Variants in ERBB4 observed in about 807,000 individuals in gnomAD.
The protein encoded by ERBB4 is erb-b2 receptor tyrosine kinase 4, also known as receptor tyrosine-protein kinase erbB-4.
Under a neutral mutation model 158.0 loss-of-function variants are expected in ERBB4, and 42 were observed. The observed-to-expected ratio is 0.27, with a 90% CI of 0.21 to 0.34. The LOEUF is 0.34. ERBB4 is among the 10% of genes least tolerant of loss of function. The probability of loss-of-function intolerance (pLI) is 1.00; values close to 1 mark genes in which losing one functional copy is unlikely to be tolerated. For synonymous variants in ERBB4, 583 were observed against 558.7 expected, an observed-to-expected ratio of 1.04 and a Z score of -0.61; for missense variants, 1,333 against 1,624.1, an observed-to-expected ratio of 0.82 and a Z score of 3.08.
At chr2:211,971,038 C>T (rs184825960) in intron 2 of ERBB4, among the ~76,000 whole-genome samples, 113 of 152,270 alleles carry the variant, frequency 7.4e-4, no homozygotes, top group Non-Finnish European at 1.2e-3. Context: ...ATATTCAGTG[C>T]TTCCTTGAGG....
intron 3 of ERBB4, among the ~76,000 whole-genome samples, chr2:211,881,704 T>TA (rs2078668185): frequency 6.6e-6 from 1 of 152,156 alleles, no homozygotes; most frequent in Non-Finnish European, 1.5e-5. Context: ...AGCTCATCTA[T>TA]AAAACCTCTT....
chr2:212,145,073 T>C (rs900365980), intron 1 of ERBB4, among the ~76,000 whole-genome samples: 1 of 152,184 alleles, frequency 6.6e-6, no homozygotes, highest in Non-Finnish European at 1.5e-5. Flanking sequence ...TTTATAAGCT[T>C]ATGTCAAAAC....
At chr2:211,705,847 C>A (rs1442931199) in intron 9 of ERBB4, among the ~76,000 whole-genome samples, 1 of 152,106 alleles carries the variant, frequency 6.6e-6, no homozygotes, top group African/African-American at 2.4e-5. Flanking sequence ...GAAACAAACA[C>A]AAATAAAATT....
chr2:211,790,344 G>C (rs971337563), intron 3 of ERBB4, among the ~76,000 whole-genome samples: 1 of 151,874 alleles, frequency 6.6e-6, no homozygotes. Flanking sequence ...AAAGGTAATA[G>C]CTCAAACATT....
intron 1 of ERBB4, among the ~76,000 whole-genome samples, chr2:212,212,488 C>G (rs2082966948): frequency 6.6e-6 from 1 of 151,828 alleles, no homozygotes; most frequent in African/African-American, 2.4e-5. Context: ...GCCATACTGT[C>G]CGAAGTAATT....
At chr2:211,961,196 A>T (rs1195896979) in intron 2 of ERBB4, among the ~76,000 whole-genome samples, 1 of 150,936 alleles carries the variant, frequency 6.6e-6, no homozygotes. Flanking sequence ...GATGGGAGAC[A>T]GTTCTGCATT....
In ERBB4 at chr2:212,206,858, G is replaced by T. The variant is rs138206142; in HGVS notation, c.83-81955C>A. ...CCACCTCGGCCTCCCAAAGTGCTGG[G>T]ATTACAGGCATGAGCCACCGCGCCC... On this transcript the variant is annotated intron_variant, in intron 1 of 27. Transcript: ENST00000342788. Among the ~76,000 whole-genome samples, 164 of 151,978 alleles carry T rather than the reference G, an allele frequency of 1.1e-3. 4 individuals are homozygous for T. The East Asian group carries it at 0.022, about 21-fold the overall frequency.
At chr2:211,549,314 C>T (rs2067019739) in intron 20 of ERBB4, among the ~76,000 whole-genome samples, 1 of 151,922 alleles carries the variant, frequency 6.6e-6, no homozygotes, top group Non-Finnish European at 1.5e-5. Context: ...ACTCAACCAC[C>T]TAGAAAACAA....
intron 2 of ERBB4, among the ~76,000 whole-genome samples, chr2:212,067,438 C>T (rs566443860): frequency 6.6e-6 from 1 of 152,010 alleles, no homozygotes; most frequent in East Asian, 1.9e-4. Flanking sequence ...TTATTATCTA[C>T]CTATAGATTA....
chr2:212,321,785 G>A (rs2087578923), intron 1 of ERBB4, among the ~76,000 whole-genome samples: 1 of 149,726 alleles, frequency 6.7e-6, no homozygotes, highest in Non-Finnish European at 1.5e-5. Context: ...GTACAATTAG[G>A]CATTAAAAAC....
chr2:211,917,094 T>C (rs1361776717), intron 3 of ERBB4, among the ~76,000 whole-genome samples: 2 of 152,124 alleles, frequency 1.3e-5, no homozygotes, highest in Non-Finnish European at 2.9e-5. Context: ...AAAGCCAAGA[T>C]CCTCTGCAAA....
At chr2:211,573,007 G>T (rs999788978) in intron 19 of ERBB4, among the ~76,000 whole-genome samples, 2 of 152,134 alleles carry the variant, frequency 1.3e-5, no homozygotes, top group Non-Finnish European at 2.9e-5. Flanking sequence ...ATTCATCCCT[G>T]AGGTGAATAC....
chr2:211,704,829 C>G (rs1233374738), intron 10 of ERBB4, among the ~76,000 whole-genome samples: 1 of 152,142 alleles, frequency 6.6e-6, no homozygotes, highest in Non-Finnish European at 1.5e-5. Context: ...CATGGGCTTT[C>G]AAAATGTGCA....
At position 211,650,687 on chromosome 2, in the gene ERBB4, G is replaced by A. The variant is rs1259790719; in HGVS notation, c.1946+7067C>T. Among the ~76,000 whole-genome samples, 3 of 152,080 alleles carry A rather than the reference G, an allele frequency of 2.0e-5. No individual in the cohort carries two copies. The East Asian group carries it at 5.8e-4, about 29-fold the overall frequency. On this transcript the variant is annotated intron_variant, in intron 16 of 27. Transcript: ENST00000342788. The stretch of plus-strand genomic sequence containing the variant: ...ATGATGACTGGGCTGGAGCAGTGCA[G>A]TCCAATAGATCTATAATACAAGCTA...
rs2125298726 is a variant in ERBB4 at position 211,379,728 on chromosome 2, C to T, written c.*3887G>A. ...CTTTCATGATCACCTTTTCTATTAC[C>T]TTATGAACTACATATACTAGTTAAA... On this transcript the variant is annotated 3_prime_UTR_variant, in exon 28 of 28. Transcript: ENST00000342788. 4.3e-6 allele frequency: 1 copy of T among 231,856 alleles called. No homozygotes were observed. The highest frequency in any genetic ancestry group is 8.5e-6 in the Non-Finnish European group (1 of 117,280). The allele number at this position is 231,856 out of a possible 1,614,324, so 14.4% of individuals were successfully genotyped here.
chr2:212,140,524 T>A (rs987197081), intron 1 of ERBB4, among the ~76,000 whole-genome samples: 1 of 115,910 alleles, frequency 8.6e-6, no homozygotes, highest in African/African-American at 5.2e-5. Context: ...TTTAAAAATG[T>A]TTTTTTTTTA....
intron 1 of ERBB4, among the ~76,000 whole-genome samples, chr2:212,133,413 T>C (rs2080170380): frequency 7.1e-6 from 1 of 141,220 alleles, no homozygotes; most frequent in Non-Finnish European, 1.5e-5. Flanking sequence ...TTTTGTTTTG[T>C]TTTGTTTTTG....
rs1012854065 is a variant in ERBB4, at chr2:212,323,235, T to C, written c.83-198332A>G. Among the ~76,000 whole-genome samples, 4 of 150,490 alleles carry C rather than the reference T, an allele frequency of 2.7e-5. 1 individual carries two copies. The highest frequency in any genetic ancestry group is 6.0e-5 in the Non-Finnish European group (4 of 67,106). ...ATTATTATGAGATTCATGTACCACG[T>C]TTTTACTCATTTAATAATTTTTAAT... On this transcript the variant is annotated intron_variant, in intron 1 of 27. Coordinates refer to ENST00000342788, the MANE Select transcript of ERBB4 (RefSeq NM_005235.3).
intron 16 of ERBB4, among the ~76,000 whole-genome samples, chr2:211,654,110 C>T (rs1417421636): frequency 6.6e-6 from 1 of 152,204 alleles, no homozygotes; most frequent in African/African-American, 2.4e-5. Flanking sequence ...CAGTGAAATA[C>T]ACACCCACCT....
Sources: gnomAD v4.1 joint callset for allele counts (sites outside exome capture counted in the v4.1 genomes callset) on GRCh38, gnomAD v4.1.1 for gene constraint, MANE v1.5 for transcripts, NCBI Gene and HGNC (gene_info 2026-07-23, HGNC 2026-07-21) for gene names.